Variants in WDR64 observed in about 807,000 individuals in gnomAD.
The protein encoded by WDR64 is WD repeat-containing protein 64.
WDR64 carries 112 observed loss-of-function variants against 139.3 expected under a neutral mutation model. The ratio of observed to expected loss-of-function variants is 0.80; its 90% CI spans 0.69 to 0.94. The LOEUF (loss-of-function observed/expected upper bound fraction) is 0.94, where lower values mean the gene tolerates loss of function less well. WDR64 is among the 40% of genes least tolerant of loss of function. The pLI is 0.00. For missense variants in WDR64, 1,206 were observed against 1,293.1 expected (o/e 0.93, Z 1.03); for synonymous variants, 444 against 437.7 (o/e 1.01, Z -0.18).
intron 1 of WDR64, among the ~76,000 whole-genome samples, chr1:241,655,379 ACT>A (rs1273526877): frequency 6.6e-6 from 1 of 151,766 alleles, no homozygotes. Flanking sequence ...ACAGAGAGAG[ACT>A]CTGTCCCCCC....
chr1:241,795,198 G>T lies in WDR64; in HGVS notation c.2998-9G>T, dbSNP rs1659328141. ...CCTTTCATTAAACATTCATCCCTTT[G>T]TTTTGCAGATTCGAAGATATCCCTT... On this transcript the variant is annotated splice_polypyrimidine_tract_variant and intron_variant, in intron 25 of 27. Coordinates refer to ENST00000437684, the MANE Select transcript of WDR64 (RefSeq NM_001367482.1). 6 of 1,612,994 alleles carry T rather than the reference G, an allele frequency of 3.7e-6. No individual in the cohort carries two copies. The Admixed American group carries it at 5.0e-5, about 13-fold the overall frequency.
At chr1:241,737,352 T>C (rs1192825084) in intron 10 of WDR64, among the ~76,000 whole-genome samples, 1 of 152,216 alleles carries the variant, frequency 6.6e-6, no homozygotes, top group Non-Finnish European at 1.5e-5. Context: ...ATAGTGAAGA[T>C]TTGAACCTAA....
intron 8 of WDR64, among the ~76,000 whole-genome samples, chr1:241,699,190 C>T (rs926778109): frequency 2.0e-5 from 3 of 152,042 alleles, no homozygotes; most frequent in African/African-American, 7.2e-5. Flanking sequence ...ATATCACATG[C>T]CTCAATTTTT....
chr1:241,715,848 A>G (rs1285845575), intron 9 of WDR64, among the ~76,000 whole-genome samples: 12 of 152,094 alleles, frequency 7.9e-5, no homozygotes, highest in Non-Finnish European at 2.9e-5. Context: ...AAGTTTTAGG[A>G]CTTAAACCAC....
intron 9 of WDR64, among the ~76,000 whole-genome samples, chr1:241,717,390 C>G (rs1668443997): frequency 6.6e-6 from 1 of 152,046 alleles, no homozygotes; most frequent in East Asian, 1.9e-4. Context: ...TGAATCAGTT[C>G]TCTTTGCACC....
intron 8 of WDR64, among the ~76,000 whole-genome samples, chr1:241,710,963 C>T (rs1359459182): frequency 1.3e-5 from 2 of 152,130 alleles, no homozygotes; most frequent in Non-Finnish European, 2.9e-5. Context: ...GCAGGCCAGG[C>T]GCGTGGCTCA....
intron 2 of WDR64, among the ~76,000 whole-genome samples, chr1:241,664,608 G>A (rs771327833): frequency 6.6e-6 from 1 of 152,026 alleles, no homozygotes; most frequent in Admixed American, 6.6e-5. Context: ...TTTTACAGAT[G>A]AGGAAATCAA....
intron 21 of WDR64, among the ~76,000 whole-genome samples, chr1:241,778,002 A>T (rs949083962): frequency 2.6e-5 from 4 of 152,164 alleles, no homozygotes; most frequent in Admixed American, 6.5e-5. Context: ...TGTATGAAGT[A>T]ATCTATAGAT....
At chr1:241,710,004 T>A (rs563529705) in intron 8 of WDR64, among the ~76,000 whole-genome samples, 13 of 152,058 alleles carry the variant, frequency 8.5e-5, no homozygotes, top group Admixed American at 2.6e-4. Context: ...AATACGTTAT[T>A]AAGTGAAAAA....
chr1:241,775,135 AC>A lies in WDR64; in HGVS notation c.2462del (p.Thr821LysfsTer8). Reference sequence around the variant, plus strand: ...ACTACTGAAAGATATGCTACCTTTCACAAAACATTCTGCCATTTCTCTGACA... The same window carrying A: ...ACTACTGAAAGATATGCTACCTTTCAAAAACATTCTGCCATTTCTCTGACA... Reference protein sequence around the residue: ...GRLLKDMLPFTKHSAISLTSL... With the variant: ...GRLLKDMLPFXKHSAISLTSL... On this transcript the variant is annotated frameshift_variant, in exon 21 of 28. Transcript: ENST00000437684. LOFTEE classifies it high-confidence loss of function. The A allele has an allele frequency of 6.4e-7, 1 of 1,551,202 alleles. No homozygotes were observed. Among genetic ancestry groups the A allele is most frequent in the East Asian group, 2.4e-5 (1 of 40,884 alleles).
chr1:241,798,627 A>G (rs1558529536), intron 27 of WDR64, among the ~76,000 whole-genome samples: 3 of 152,224 alleles, frequency 2.0e-5, no homozygotes, highest in African/African-American at 4.8e-5. Flanking sequence ...TATGAAACAA[A>G]TATTTATGGA....
intron 17 of WDR64, 136 bp from the exon 18 acceptor site, chr1:241,770,485 T>A: frequency 1.4e-6 from 1 of 692,426 alleles, no homozygotes; most frequent in Non-Finnish European, 2.4e-6. Context: ...TAAGGCATGA[T>A]TTGTTTCCTG....
chr1:241,698,853 A>G (rs531130280), intron 8 of WDR64, among the ~76,000 whole-genome samples: 1 of 152,216 alleles, frequency 6.6e-6, no homozygotes, highest in East Asian at 1.9e-4. Flanking sequence ...CATACCCAAG[A>G]CTGGGTAATT....
intron 2 of WDR64, among the ~76,000 whole-genome samples, chr1:241,662,105 G>A (rs183363073): frequency 3.9e-5 from 6 of 152,184 alleles, no homozygotes; most frequent in East Asian, 1.9e-4. Flanking sequence ...ACAATCTAGC[G>A]GAATAGAAAT....
At chr1:241,754,200 T>C (rs1670084092) in intron 14 of WDR64, among the ~76,000 whole-genome samples, 1 of 152,102 alleles carries the variant, frequency 6.6e-6, no homozygotes, top group Non-Finnish European at 1.5e-5. Context: ...AGTTTTATTG[T>C]TTTTTAAATT....
intron 10 of WDR64, among the ~76,000 whole-genome samples, chr1:241,736,415 T>TAAAAAAAAAAAA (rs59588872): frequency 1.8e-4 from 24 of 134,654 alleles, no homozygotes; most frequent in African/African-American, 6.5e-4. Context: ...TGGAAGAGTT[T>TAAAAAAAAAAAA]AAAAAAAAAA....
intron 27 of WDR64, among the ~76,000 whole-genome samples, chr1:241,800,313 A>G (rs1170759527): frequency 6.6e-6 from 1 of 152,110 alleles, no homozygotes; most frequent in Non-Finnish European, 1.5e-5. Flanking sequence ...CTTTCCTTAT[A>G]ACTCTCTACA....
chr1:241,679,430 ACCAG>A, intron 5 of WDR64, 51 bp from the exon 6 acceptor site: 1 of 1,449,142 alleles, frequency 6.9e-7, no homozygotes, highest in South Asian at 1.2e-5. Flanking sequence ...GGTGACCATC[ACCAG>A]GTCATTGAAG....
At chr1:241,669,438 T>C (rs1666140871) in intron 2 of WDR64, among the ~76,000 whole-genome samples, 1 of 152,372 alleles carries the variant, frequency 6.6e-6, no homozygotes, top group Admixed American at 6.5e-5. Flanking sequence ...TTAATTTTCC[T>C]TTTCTTTTCT....
Sources: allele counts gnomAD v4.1 joint callset (sites outside exome capture counted in the v4.1 genomes callset), GRCh38; gene constraint gnomAD v4.1.1; transcripts MANE v1.5; gene names NCBI Gene and HGNC (gene_info 2026-07-23, HGNC 2026-07-21).